The following IQCJ variants were observed in gnomAD, a reference collection of about 807,000 sequenced individuals.
IQCJ encodes IQ domain-containing protein J.
In IQCJ, 9 loss-of-function variants were observed where a neutral mutation model predicts 11.0. That is an observed-to-expected ratio of 0.82 (90% CI 0.49 to 1.43). The LOEUF (loss-of-function observed/expected upper bound fraction) is 1.43. Among genes scored for constraint, IQCJ ranks in the 40% most tolerant of loss-of-function variants. The pLI, the probability that IQCJ is intolerant of heterozygous loss-of-function variation, is 0.00. For synonymous variants in IQCJ, 55 were observed against 51.3 expected, an observed-to-expected ratio of 1.07 and a Z score of -0.31; for missense variants, 146 against 133.2, an observed-to-expected ratio of 1.10 and a Z score of -0.47.
chr3:159,087,319 C>T (rs1461677564), intron 1 of IQCJ, among the ~76,000 whole-genome samples: 1 of 151,016 alleles, frequency 6.6e-6, no homozygotes, highest in Non-Finnish European at 1.5e-5. Context: ...ATTTGTTTTG[C>T]CAGTATTTTA....
chr3:159,104,617 A>G (rs1004203942), intron 1 of IQCJ, among the ~76,000 whole-genome samples: 3 of 152,106 alleles, frequency 2.0e-5, no homozygotes, highest in African/African-American at 7.2e-5. Context: ...GCTCCTGCCC[A>G]CCTTAGTGGC....
intron 1 of IQCJ, among the ~76,000 whole-genome samples, chr3:159,091,670 GCATGCACACACACACACACACA>G (rs1186804995): frequency 6.4e-5 from 4 of 62,480 alleles, no homozygotes; most frequent in East Asian, 3.2e-4. Flanking sequence ...ACACACACAC[GCATGCACACACACACACACACA>G]CACACACACA....
At chr3:159,189,607 C>T (rs534572486) in intron 1 of IQCJ, among the ~76,000 whole-genome samples, 2 of 152,254 alleles carry the variant, frequency 1.3e-5, no homozygotes, top group South Asian at 2.1e-4. Context: ...GCCCTAGGGT[C>T]GTTTTAGTGG....
intron 1 of IQCJ, among the ~76,000 whole-genome samples, chr3:159,174,016 A>G (rs1024851786): frequency 1.3e-5 from 2 of 152,126 alleles, no homozygotes; most frequent in Admixed American, 1.3e-4. Flanking sequence ...ATGATCTGAG[A>G]GTTTCTCAGT....
At chr3:159,148,653 A>C (rs930511501) in intron 1 of IQCJ, among the ~76,000 whole-genome samples, 1 of 152,168 alleles carries the variant, frequency 6.6e-6, no homozygotes, top group African/African-American at 2.4e-5. Flanking sequence ...ATCTTTTCCT[A>C]ATGGCAGTGA....
chr3:159,137,316 C>T (rs1012816016), intron 1 of IQCJ, among the ~76,000 whole-genome samples: 3 of 151,248 alleles, frequency 2.0e-5, no homozygotes, highest in African/African-American at 7.3e-5. Flanking sequence ...TCACATGATT[C>T]ACATTTACTT....
At chr3:159,243,203 A>C (rs1727040705) in intron 1 of IQCJ, among the ~76,000 whole-genome samples, 2 of 152,206 alleles carry the variant, frequency 1.3e-5, no homozygotes, top group Admixed American at 1.3e-4. Context: ...TAAGTTAAAC[A>C]TGTATTTACC....
At chr3:159,108,830 C>A (rs1718434693) in intron 1 of IQCJ, among the ~76,000 whole-genome samples, 1 of 152,118 alleles carries the variant, frequency 6.6e-6, no homozygotes, top group African/African-American at 2.4e-5. Context: ...ACTCCTTGTG[C>A]TTTGTTGTTT....
intron 1 of IQCJ, among the ~76,000 whole-genome samples, chr3:159,157,700 C>T (rs1254642662): frequency 6.6e-6 from 1 of 152,322 alleles, no homozygotes; most frequent in South Asian, 2.1e-4. Context: ...CATGGCCCAG[C>T]ATACAAATAA....
intron 1 of IQCJ, among the ~76,000 whole-genome samples, chr3:159,080,267 A>G (rs1716220001): frequency 2.6e-5 from 4 of 152,134 alleles, no homozygotes; most frequent in African/African-American, 9.7e-5. Context: ...AAAAGTTACT[A>G]TGAGCACACT....
chr3:159,228,540 T>C (rs2250502), intron 1 of IQCJ, among the ~76,000 whole-genome samples: 116,142 of 152,102 alleles, frequency 0.76, 45,488 homozygotes, highest in African/African-American at 0.92. Context: ...CCTGTAATCC[T>C]AGCACTTTGG....
intron 1 of IQCJ, among the ~76,000 whole-genome samples, chr3:159,115,457 C>T (rs1479399024): frequency 2.6e-5 from 4 of 151,788 alleles, no homozygotes; most frequent in Admixed American, 2.0e-4. Flanking sequence ...GGGAGCCTAG[C>T]TGTGCACCCA....
intron 1 of IQCJ, among the ~76,000 whole-genome samples, chr3:159,164,984 G>A (rs1722083241): frequency 6.6e-6 from 1 of 152,056 alleles, no homozygotes; most frequent in African/African-American, 2.4e-5. Context: ...CTTTATTTTA[G>A]GCAGCTTTGT....
chr3:159,219,609 C>T (rs568133411), intron 1 of IQCJ, among the ~76,000 whole-genome samples: 19 of 152,182 alleles, frequency 1.2e-4, no homozygotes, highest in Non-Finnish European at 1.5e-4. Flanking sequence ...GAGTCAATTC[C>T]GGATCTTTCA....
intron 1 of IQCJ, among the ~76,000 whole-genome samples, chr3:159,188,208 C>T (rs925133466): frequency 1.3e-5 from 2 of 152,072 alleles, no homozygotes; most frequent in African/African-American, 2.4e-5. Context: ...GTCAGCAGTT[C>T]GAGATCAGCC....
chr3:159,158,177 T>A (rs1403366004), intron 1 of IQCJ, among the ~76,000 whole-genome samples: 1 of 152,214 alleles, frequency 6.6e-6, no homozygotes, highest in Non-Finnish European at 1.5e-5. Flanking sequence ...AAGGTACTGT[T>A]TTGTAGAAAA....
chr3:159,182,092 A>C (rs1401689590), intron 1 of IQCJ, among the ~76,000 whole-genome samples: 1 of 151,922 alleles, frequency 6.6e-6, no homozygotes, highest in African/African-American at 2.4e-5. Flanking sequence ...ACATGCATGT[A>C]GCTCAACAAA....
At chr3:159,076,548 A>G (rs1043175757) in intron 1 of IQCJ, among the ~76,000 whole-genome samples, 2 of 152,142 alleles carry the variant, frequency 1.3e-5, no homozygotes, top group African/African-American at 4.8e-5. Flanking sequence ...CCTAAAAAGA[A>G]GCATGGTGTA....
chr3:159,234,523 G>A (rs1449021), intron 1 of IQCJ, among the ~76,000 whole-genome samples: 21,275 of 152,174 alleles, frequency 0.14, 1,688 homozygotes, highest in Middle Eastern at 0.21. Context: ...TTGGAGATGG[G>A]CCCGGCACGG....
Sources: gnomAD v4.1 joint callset for allele counts (sites outside exome capture counted in the v4.1 genomes callset) on GRCh38, gnomAD v4.1.1 for gene constraint, MANE v1.5 for transcripts, NCBI Gene and HGNC (gene_info 2026-07-23, HGNC 2026-07-21) for gene names.